Variants in SAMMSON observed in about 807,000 individuals in gnomAD.
SAMMSON encodes survival associated mitochondrial melanoma specific oncogenic non-coding RNA, also known as long intergenic non-protein coding RNA 1212.
At chr3:70,418,982 T>TTTCCTTTC (rs1701288989) in intron 2 of SAMMSON, among the ~76,000 whole-genome samples, 6 of 60,362 alleles carry the variant, frequency 9.9e-5, no homozygotes, top group African/African-American at 1.9e-4. Flanking sequence ...TCCTTCCTTC[T>TTTCCTTTC]CTCTCTCTCT....
chr3:70,177,569 G>C (rs1213748689), intron 4 of SAMMSON, among the ~76,000 whole-genome samples: 2 of 152,124 alleles, frequency 1.3e-5, no homozygotes, highest in African/African-American at 4.8e-5. Flanking sequence ...GACCTCTCTT[G>C]TTTCCAAAGA....
At chr3:70,327,675 T>C (rs554885361) in intron 7 of SAMMSON, among the ~76,000 whole-genome samples, 1 of 152,234 alleles carries the variant, frequency 6.6e-6, no homozygotes, top group East Asian at 1.9e-4. Context: ...GAAGAACTTG[T>C]GTTTCCACCA....
chr3:70,263,080 C>T (rs1354061934), intron 6 of SAMMSON, among the ~76,000 whole-genome samples: 1 of 152,042 alleles, frequency 6.6e-6, no homozygotes, highest in African/African-American at 2.4e-5. Context: ...TTTGTCTTTC[C>T]TCTATATCTT....
chr3:70,390,507 A>G (rs954772105), downstream of SAMMSON, among the ~76,000 whole-genome samples: 1 of 152,116 alleles, frequency 6.6e-6, no homozygotes, highest in Non-Finnish European at 1.5e-5. Context: ...CAATCATGGC[A>G]GAAGGCAAAG....
intron 6 of SAMMSON, among the ~76,000 whole-genome samples, chr3:70,259,509 T>C (rs1701846058): frequency 6.6e-6 from 1 of 152,112 alleles, no homozygotes; most frequent in African/African-American, 2.4e-5. Flanking sequence ...GTCTGTCTGC[T>C]CTATTCATGG....
rs1559778544 is a variant in SAMMSON, at chr3:70,039,592, T to TACACAC, written n.417+25920_417+25921insACACAC. Among the ~76,000 whole-genome samples, 131 of 90,182 alleles carry TACACAC rather than the reference T, an allele frequency of 1.5e-3. 1 individual carries two copies. The highest frequency in any genetic ancestry group is 4.9e-3 in the African/African-American group (117 of 23,640). The allele number at this position is 90,182 out of a possible 152,430, so 59.2% of individuals were successfully genotyped here. A position where few individuals can be genotyped will look rare whatever the true frequency, so the allele number is the denominator to read the frequency against. On this transcript the variant is annotated intron_variant and non_coding_transcript_variant, in intron 3 of 9. Transcript: ENST00000642114. ...GATCCAATTCCTTAAAACACATCTCTTCACACACACACACACACACACACA... is the reference window on the plus strand; with the variant it reads ...GATCCAATTCCTTAAAACACATCTCTACACACTCACACACACACACACACACACACA...
At chr3:70,061,429 G>T (rs917798104) in intron 3 of SAMMSON, among the ~76,000 whole-genome samples, 4 of 152,136 alleles carry the variant, frequency 2.6e-5, no homozygotes, top group Non-Finnish European at 5.9e-5. Flanking sequence ...TTTAAGATTT[G>T]TAACAACATA....
At chr3:70,056,147 G>C (rs1272232354) in intron 3 of SAMMSON, among the ~76,000 whole-genome samples, 2 of 151,950 alleles carry the variant, frequency 1.3e-5, no homozygotes, top group African/African-American at 4.8e-5. Flanking sequence ...ACACCTCAAA[G>C]TTAGAGACAA....
chr3:70,230,808 T>C (rs1701552427), intron 4 of SAMMSON, among the ~76,000 whole-genome samples: 1 of 152,206 alleles, frequency 6.6e-6, no homozygotes, highest in Admixed American at 6.5e-5. Context: ...AAATACGTCT[T>C]CAAATCTCAG....
intron 7 of SAMMSON, among the ~76,000 whole-genome samples, chr3:70,316,877 A>G (rs1196800796): frequency 5.3e-5 from 8 of 152,088 alleles, no homozygotes; most frequent in Admixed American, 5.2e-4. Flanking sequence ...AGGTCATTAA[A>G]AAGGGTGCTT....
At chr3:70,364,366 T>C (rs756612373) in intron 9 of SAMMSON, among the ~76,000 whole-genome samples, 1 of 151,908 alleles carries the variant, frequency 6.6e-6, no homozygotes, top group African/African-American at 2.4e-5. Flanking sequence ...ATAAAAATCT[T>C]TGGATTACAC....
intron 2 of SAMMSON, among the ~76,000 whole-genome samples, chr3:70,421,330 A>G (rs1028910486): frequency 6.6e-6 from 1 of 152,192 alleles, no homozygotes; most frequent in African/African-American, 2.4e-5. Context: ...TTCATGAGTA[A>G]CTTATAGATA....
At chr3:70,406,688 T>A (rs368346906) in intron 2 of SAMMSON, among the ~76,000 whole-genome samples, 18 of 152,208 alleles carry the variant, frequency 1.2e-4, no homozygotes, top group African/African-American at 4.1e-4. Context: ...CCTAGAACAA[T>A]CATTAAAATA....
At chr3:70,370,770 G>A (rs929362445) in intron 9 of SAMMSON, among the ~76,000 whole-genome samples, 3 of 151,876 alleles carry the variant, frequency 2.0e-5, no homozygotes, top group African/African-American at 7.2e-5. Context: ...AACAGGTTGT[G>A]TCTTCACTCT....
intron 4 of SAMMSON, chr3:70,095,866 C>T (rs543392373): frequency 2.6e-5 from 4 of 152,302 alleles, no homozygotes; most frequent in East Asian, 3.9e-4. Context: ...ACTAATTTGA[C>T]GTATGGTTGC....
chr3:70,388,581 T>A (rs1233752541), intron 9 of SAMMSON, among the ~76,000 whole-genome samples: 1 of 152,144 alleles, frequency 6.6e-6, no homozygotes, highest in Non-Finnish European at 1.5e-5. Context: ...CAATTTCCTT[T>A]TTAGTTAAGG....
At chr3:70,162,625 G>A (rs1351934379) in intron 4 of SAMMSON, among the ~76,000 whole-genome samples, 3 of 151,916 alleles carry the variant, frequency 2.0e-5, no homozygotes, top group Non-Finnish European at 4.4e-5. Context: ...TGGGTGGAAT[G>A]CTCTCTAGAT....
At chr3:70,265,160 G>A (rs1398056264) in intron 6 of SAMMSON, among the ~76,000 whole-genome samples, 2 of 152,162 alleles carry the variant, frequency 1.3e-5, no homozygotes, top group Non-Finnish European at 2.9e-5. Context: ...TTCAAGATTG[G>A]GTGGGGACAC....
chr3:70,095,804 C>T (rs1386572242), intron 4 of SAMMSON, among the ~76,000 whole-genome samples: 1 of 152,172 alleles, frequency 6.6e-6, no homozygotes, highest in Admixed American at 6.5e-5. Context: ...TATAATATGT[C>T]AGTGCTTATC....
Sources: allele counts gnomAD v4.1 joint callset (sites outside exome capture counted in the v4.1 genomes callset), GRCh38; gene constraint gnomAD v4.1.1; transcripts MANE v1.5; gene names NCBI Gene and HGNC (gene_info 2026-07-23, HGNC 2026-07-21).